Variants in NUDT3 observed in about 807,000 individuals in gnomAD.
NUDT3 encodes diphosphoinositol polyphosphate phosphohydrolase 1.
In NUDT3, 9 loss-of-function variants were observed where a neutral mutation model predicts 23.6. That is an observed-to-expected ratio of 0.38 (90% confidence interval 0.23 to 0.66). The LOEUF (loss-of-function observed/expected upper bound fraction) is 0.66, where lower values mean the gene tolerates loss of function less well. Ranked by LOEUF, NUDT3 falls within the 30% of genes least tolerant of loss-of-function variation. NUDT3 has a pLI of 0.52. For missense variants in NUDT3, 172 were observed against 218.5 expected (o/e 0.79, Z 1.34); for synonymous variants, 86 against 82.6 (o/e 1.04, Z -0.22).
At chr6:34,349,352 G>A (rs191140980) in intron 1 of NUDT3, among the ~76,000 whole-genome samples, 7 of 139,892 alleles carry the variant, frequency 5.0e-5, no homozygotes, top group Admixed American at 4.2e-4. Context: ...CTGACAGGAC[G>A]TGGGAATATG....
In NUDT3 at chr6:34,392,337, G is replaced by C. The variant is rs746598444; in HGVS notation, c.26C>G (p.Thr9Ser). 1.9e-6 allele frequency: 3 copies of C among 1,605,766 alleles called. No homozygotes were observed. Among genetic ancestry groups the C allele is most frequent in the Non-Finnish European group, 2.5e-6 (3 of 1,177,360 alleles). MMKLKSNQ[T>S]RTYDGDGYKK... Reference sequence around the variant, plus strand: ...GTAGCCGTCGCCGTCGTAGGTGCGGGTCTGGTTCGACTTGAGCTTCATCAT... The same window carrying C: ...GTAGCCGTCGCCGTCGTAGGTGCGGCTCTGGTTCGACTTGAGCTTCATCAT... The change falls in exon 1 of 5, where the codon ACC becomes AGC. Residue 9 changes from threonine to serine, a missense_variant. This residue lies in a region of NUDT3 where 50 missense variants were observed against 46.2 expected (regional missense o/e 1.08). Coordinates refer to ENST00000607016, the MANE Select transcript of NUDT3 (RefSeq NM_006703.4).
At chr6:34,383,951 T>C (rs1407866883) in intron 1 of NUDT3, among the ~76,000 whole-genome samples, 1 of 152,160 alleles carries the variant, frequency 6.6e-6, no homozygotes, top group Non-Finnish European at 1.5e-5. Flanking sequence ...GAACCCATCA[T>C]GATCTTAGAG....
chr6:34,345,662 CAAAA>C (rs569837635), intron 1 of NUDT3, among the ~76,000 whole-genome samples: 1 of 66,638 alleles, frequency 1.5e-5, no homozygotes. Flanking sequence ...GACTCCGTCC[CAAAA>C]AAAAAAAAAA....
At chr6:34,317,845 A>G (rs1266497625) in intron 2 of NUDT3, among the ~76,000 whole-genome samples, 2 of 152,226 alleles carry the variant, frequency 1.3e-5, no homozygotes, top group Non-Finnish European at 2.9e-5. Flanking sequence ...GATTACTTCT[A>G]GTCAAAGTGT....
chr6:34,354,749 A>ATATT (rs1554155667), intron 1 of NUDT3, among the ~76,000 whole-genome samples: 244 of 144,542 alleles, frequency 1.7e-3, no homozygotes, highest in East Asian at 0.011. Context: ...ATATATATAT[A>ATATT]TATTTATTTA....
At chr6:34,378,620 A>G (rs1454485686) in intron 1 of NUDT3, among the ~76,000 whole-genome samples, 3 of 152,212 alleles carry the variant, frequency 2.0e-5, no homozygotes, top group African/African-American at 4.8e-5. Flanking sequence ...GGTGGCAGCA[A>G]AAGCCACAGC....
intron 1 of NUDT3, among the ~76,000 whole-genome samples, chr6:34,371,443 C>A (rs1360714248): frequency 6.6e-6 from 1 of 151,436 alleles, no homozygotes; most frequent in African/African-American, 2.4e-5. Context: ...TCCAGCCTGG[C>A]AACACAGCAA....
chr6:34,366,470 GGGAAGGGA>G (rs1261072921), intron 1 of NUDT3, among the ~76,000 whole-genome samples: 11 of 107,112 alleles, frequency 1.0e-4, no homozygotes, highest in African/African-American at 3.5e-4. Context: ...AAGAGAGAGA[GGGAAGGGA>G]GGGAGGGAGG....
intron 2 of NUDT3, among the ~76,000 whole-genome samples, chr6:34,322,290 G>A (rs1763955084): frequency 6.6e-6 from 1 of 151,962 alleles, no homozygotes; most frequent in Admixed American, 6.6e-5. Context: ...GAGTGCAGTG[G>A]CACGATTTCA....
chr6:34,304,105 C>G (rs1178199950), intron 2 of NUDT3, among the ~76,000 whole-genome samples: 1 of 151,786 alleles, frequency 6.6e-6, no homozygotes, highest in African/African-American at 2.4e-5. Context: ...AGTACAAAAT[C>G]AGCTGGGTGT....
intron 2 of NUDT3, among the ~76,000 whole-genome samples, chr6:34,320,552 G>C (rs990319890): frequency 2.0e-5 from 3 of 152,090 alleles, no homozygotes; most frequent in Non-Finnish European, 2.9e-5. Flanking sequence ...GTTCACACTA[G>C]GCTGGGCACA....
rs1763632551 is a variant in NUDT3, at chr6:34,303,578, G to T, written c.211-7893C>A. On this transcript the variant is annotated intron_variant, in intron 2 of 4. Coordinates refer to ENST00000607016, the MANE Select transcript of NUDT3 (RefSeq NM_006703.4). ...TGAACATTTCAAAAATACGATGTTTGCTATTGGTTTTATTAGATACTCTAT... is the reference window on the plus strand; with the variant it reads ...TGAACATTTCAAAAATACGATGTTTTCTATTGGTTTTATTAGATACTCTAT... Among the ~76,000 whole-genome samples, 3 of 152,166 alleles carry T rather than the reference G, an allele frequency of 2.0e-5. No individual in the cohort carries two copies. In the South Asian group the frequency reaches 6.2e-4, roughly 32 times the overall value.
intron 1 of NUDT3, among the ~76,000 whole-genome samples, chr6:34,354,432 C>T (rs1764527892): frequency 6.7e-6 from 1 of 149,792 alleles, no homozygotes; most frequent in South Asian, 2.1e-4. Context: ...CACACACATA[C>T]ACACTCTTGG....
Position 34,288,757 on chromosome 6 carries a change from C to T in NUDT3, c.515G>A (p.Arg172Lys), listed in dbSNP as rs1260291638. 1 of 1,608,680 alleles carries T rather than the reference C, an allele frequency of 6.2e-7. No individual in the cohort carries two copies. Among genetic ancestry groups the T allele is most frequent in the Non-Finnish European group, 8.5e-7 (1 of 1,178,444 alleles). The change falls in exon 5 of 5, where the codon AGA becomes AAA. Residue 172 changes from arginine (R) to lysine (K), a missense_variant. By Grantham distance (26) the Arg-to-Lys change is conservative (BLOSUM62 2). Around this residue, in one of 3 missense-constraint regions of NUDT3, gnomAD observed 63 missense variants for 64.9 expected, o/e 0.97. Coordinates refer to ENST00000607016, the MANE Select transcript of NUDT3 (RefSeq NM_006703.4). ...VSAQSSMSGI[R>K] is the part of the protein sequence containing the mutation. ...TCTCTTACAGGAAGTCTTCAGTCATCTGATGCCTGACATCGAGCTCTGAGC... is the reference window on the plus strand; with the variant it reads ...TCTCTTACAGGAAGTCTTCAGTCATTTGATGCCTGACATCGAGCTCTGAGC...
In NUDT3 at chr6:34,300,956, A is replaced by G. The variant is rs1163980788; in HGVS notation, c.211-5271T>C. Among the ~76,000 whole-genome samples the G allele has an allele frequency of 2.6e-5, 4 of 152,338 alleles. No homozygotes were observed. In the South Asian group the frequency reaches 8.3e-4, roughly 32 times the overall value. ...TTTACTACTTGGGTATGTATCCACTATTAACAGTATTTGCTGCAAGTTTCT... is the reference window on the plus strand; with the variant it reads ...TTTACTACTTGGGTATGTATCCACTGTTAACAGTATTTGCTGCAAGTTTCT... On this transcript the variant is annotated intron_variant, in intron 2 of 4. Transcript: ENST00000607016.
chr6:34,379,208 TA>T lies in NUDT3; in HGVS notation c.99+13055del, dbSNP rs561373832. The stretch of plus-strand genomic sequence containing the variant: ...GTTTCAAAATAAAATTTAGATTTGC[TA>T]AATGTGTGACATAGTATAAAAGTAT... On this transcript the variant is annotated intron_variant, in intron 1 of 4. Transcript: ENST00000607016. Among the ~76,000 whole-genome samples the T allele has an allele frequency of 3.6e-4, 55 of 152,150 alleles. 1 individual carries two copies. The highest frequency in any genetic ancestry group is 2.9e-3 in the Admixed American group (45 of 15,276).
chr6:34,326,755 C>T (rs1581867502), intron 2 of NUDT3, among the ~76,000 whole-genome samples: 1 of 152,126 alleles, frequency 6.6e-6, no homozygotes, highest in African/African-American at 2.4e-5. Flanking sequence ...CACCCGCCAC[C>T]ATGCCCAGCT....
chr6:34,293,134 C>T (rs1366018454), intron 4 of NUDT3, among the ~76,000 whole-genome samples: 2 of 152,144 alleles, frequency 1.3e-5, no homozygotes, highest in African/African-American at 2.4e-5. Flanking sequence ...ATGATTATGG[C>T]TCAATGTGAC....
chr6:34,362,645 G>A (rs185310153), intron 1 of NUDT3, among the ~76,000 whole-genome samples: 5 of 152,150 alleles, frequency 3.3e-5, no homozygotes, highest in Admixed American at 2.0e-4. Flanking sequence ...TAGTAGAGAC[G>A]AGGTTTCACA....
Sources: allele counts gnomAD v4.1 joint callset (sites outside exome capture counted in the v4.1 genomes callset), GRCh38; gene constraint gnomAD v4.1.1; regional missense constraint gnomAD v4.1.1; transcripts MANE v1.5; gene names NCBI Gene and HGNC (gene_info 2026-07-23, HGNC 2026-07-21).